C14orf132: variants seen among roughly 807,000 people sequenced by gnomAD.
C14orf132 encodes the protein uncharacterized protein C14orf132.
In C14orf132, 6 loss-of-function variants were observed where a neutral mutation model predicts 5.8. That is an observed-to-expected ratio of 1.03 (90% confidence interval 0.57 to 2.04). The LOEUF (loss-of-function observed/expected upper bound fraction) is 2.04. C14orf132 is among the 30% of genes most tolerant of loss of function. The probability of loss-of-function intolerance (pLI) is 0.00; values close to 1 mark genes in which losing one functional copy is unlikely to be tolerated. For synonymous variants in C14orf132, 51 were observed against 49.8 expected (o/e 1.02, Z -0.10); for missense variants, 125 against 115.8 (o/e 1.08, Z -0.37).
Position 96,090,403 on chromosome 14 carries a change from AAAG to A in C14orf132, c.*3671_*3673del. 1.0e-5 allele frequency: 3 copies of A among 294,022 alleles called. No individual in the cohort carries two copies. Among genetic ancestry groups the A allele is most frequent in the Non-Finnish European group, 2.0e-5 (3 of 151,286 alleles). The allele number at this position is 294,022 out of a possible 1,614,324, so 18.2% of individuals were successfully genotyped here. A position where few individuals can be genotyped will look rare whatever the true frequency, so the allele number is the denominator to read the frequency against. On this transcript the variant is annotated 3_prime_UTR_variant, in exon 2 of 2. Coordinates refer to ENST00000555004, the MANE Select transcript of C14orf132 (RefSeq NM_001252507.3). ...GAGACTCTGTCTCAAAAAAAAAAAA[AAAG>A]AAAAGAAAAAAAAAAAGAGCAACTT...
chr14:96,042,889 G>T lies in C14orf132; in HGVS notation c.27+3362G>T, dbSNP rs189827974. 2.6e-4 allele frequency among the ~76,000 whole-genome samples: 40 copies of T among 152,346 alleles called. 1 individual carries two copies. The highest frequency in any genetic ancestry group is 9.4e-4 in the African/African-American group (39 of 41,574). ...CTGGAGGATGTGAACAGTGAAAAAG[G>T]CCATTCATTTCTCTTAGGCCAGGAG... On this transcript the variant is annotated intron_variant, in intron 1 of 1. Coordinates refer to ENST00000555004, the MANE Select transcript of C14orf132 (RefSeq NM_001252507.3).
chr14:96,069,741 T>A (rs1887648261), intron 1 of C14orf132, among the ~76,000 whole-genome samples: 1 of 152,244 alleles, frequency 6.6e-6, no homozygotes, highest in African/African-American at 2.4e-5. Context: ...TGGAAATGCA[T>A]GCCACAAAAT....
chr14:96,056,805 A>G (rs1204112355), intron 1 of C14orf132, among the ~76,000 whole-genome samples: 1 of 152,158 alleles, frequency 6.6e-6, no homozygotes, highest in Non-Finnish European at 1.5e-5. Context: ...CAAATTCTTT[A>G]TAGCCTCACA....
At chr14:96,061,691 GAGGCAGA>G (rs1006687948) in intron 1 of C14orf132, among the ~76,000 whole-genome samples, 1 of 152,186 alleles carries the variant, frequency 6.6e-6, no homozygotes, top group Non-Finnish European at 1.5e-5. Context: ...TTGGGAGGCT[GAGGCAGA>G]AGGATGGCTT....
chr14:96,071,292 C>T (rs976381749), intron 1 of C14orf132, among the ~76,000 whole-genome samples: 1 of 152,128 alleles, frequency 6.6e-6, no homozygotes, highest in African/African-American at 2.4e-5. Context: ...ATGGGGGTAA[C>T]TGCCCCCGTG....
At chr14:96,078,872 T>C (rs1186389481) in intron 1 of C14orf132, among the ~76,000 whole-genome samples, 1 of 152,236 alleles carries the variant, frequency 6.6e-6, no homozygotes, top group Non-Finnish European at 1.5e-5. Context: ...AGTCCACAAA[T>C]GGGAAATGAA....
At chr14:96,049,587 TATAC>T (rs1280196689) in intron 1 of C14orf132, among the ~76,000 whole-genome samples, 1 of 125,836 alleles carries the variant, frequency 7.9e-6, no homozygotes, top group Non-Finnish European at 1.8e-5. Flanking sequence ...TACGTATATA[TATAC>T]ATATATACGT....
chr14:96,064,440 GTATA>G (rs776248488), intron 1 of C14orf132, among the ~76,000 whole-genome samples: 33 of 148,370 alleles, frequency 2.2e-4, no homozygotes, highest in African/African-American at 8.0e-4. Context: ...ATATATATGT[GTATA>G]TATATGTGTA....
At chr14:96,041,158 C>T (rs907301520) in intron 1 of C14orf132, among the ~76,000 whole-genome samples, 1 of 152,194 alleles carries the variant, frequency 6.6e-6, no homozygotes, top group African/African-American at 2.4e-5. Context: ...TGGTTACATG[C>T]GCAGTACTGT....
chr14:96,080,826 C>A (rs1369184618), intron 1 of C14orf132, among the ~76,000 whole-genome samples: 2 of 152,188 alleles, frequency 1.3e-5, no homozygotes, highest in African/African-American at 4.8e-5. Context: ...CACTGCGGGG[C>A]AGGGACCCCA....
intron 1 of C14orf132, among the ~76,000 whole-genome samples, chr14:96,058,150 C>T (rs759286692): frequency 6.6e-6 from 1 of 152,062 alleles, no homozygotes; most frequent in Non-Finnish European, 1.5e-5. Context: ...TCTCATGGCT[C>T]ACTTCCTCAG....
At chr14:96,047,787 C>A (rs1347192831) in intron 1 of C14orf132, among the ~76,000 whole-genome samples, 1 of 152,182 alleles carries the variant, frequency 6.6e-6, no homozygotes, top group Non-Finnish European at 1.5e-5. Context: ...ATAGAGATTT[C>A]TCAGATGCCC....
chr14:96,059,903 G>T (rs1160950112), intron 1 of C14orf132, among the ~76,000 whole-genome samples: 1 of 152,202 alleles, frequency 6.6e-6, no homozygotes, highest in Admixed American at 6.5e-5. Flanking sequence ...TTGTTCCCAT[G>T]AGCAGACCCC....
intron 1 of C14orf132, among the ~76,000 whole-genome samples, chr14:96,054,503 T>C (rs764577951): frequency 6.6e-6 from 1 of 152,224 alleles, no homozygotes; most frequent in Admixed American, 6.5e-5. Flanking sequence ...AACAAGATGC[T>C]TAATTTCTTG....
intron 1 of C14orf132, among the ~76,000 whole-genome samples, chr14:96,072,467 C>T (rs1738335822): frequency 6.6e-6 from 1 of 152,202 alleles, no homozygotes; most frequent in Admixed American, 6.5e-5. Flanking sequence ...AGAGCAAATG[C>T]TGCAGTCTCC....
chr14:96,075,335 T>C (rs1469530738), intron 1 of C14orf132, among the ~76,000 whole-genome samples: 2 of 152,218 alleles, frequency 1.3e-5, no homozygotes, highest in African/African-American at 4.8e-5. Context: ...TAGACAATCA[T>C]TTCTTCTGCA....
rs114455909 is a variant in C14orf132, at chr14:96,061,384, G to C, written c.27+21857G>C. ...GGTTGGTGTTATCTACTGCCATTGG[G>C]CATGTATTCGCACCCCTTATTTTAG... On this transcript the variant is annotated intron_variant, in intron 1 of 1. Transcript: ENST00000555004. Among the ~76,000 whole-genome samples the C allele has an allele frequency of 5.8e-3, 877 of 152,234 alleles. 15 individuals are homozygous for C. The highest frequency in any genetic ancestry group is 0.02 in the African/African-American group (843 of 41,498).
intron 1 of C14orf132, among the ~76,000 whole-genome samples, chr14:96,071,015 A>G (rs968751917): frequency 5.3e-5 from 8 of 152,184 alleles, no homozygotes; most frequent in South Asian, 4.1e-4. Context: ...GCAACATCCA[A>G]TGAGGTTTGT....
At chr14:96,062,150 C>T (rs369244055) in intron 1 of C14orf132, among the ~76,000 whole-genome samples, 7 of 152,132 alleles carry the variant, frequency 4.6e-5, no homozygotes, top group African/African-American at 1.4e-4. Flanking sequence ...CTTGTCTGCT[C>T]ATGGCTTTTC....
Sources: allele counts gnomAD v4.1 joint callset (sites outside exome capture counted in the v4.1 genomes callset), GRCh38; gene constraint gnomAD v4.1.1; transcripts MANE v1.5; gene names NCBI Gene and HGNC (gene_info 2026-07-23, HGNC 2026-07-21).